Variants in DIAPH3 observed in about 807,000 individuals in gnomAD.
DIAPH3 encodes the protein diaphanous related formin 3.
Under a neutral mutation model 144.3 loss-of-function variants are expected in DIAPH3, and 117 were observed. The observed-to-expected ratio is 0.81, with a 90% confidence interval of 0.70 to 0.95. The LOEUF is 0.95. Among genes scored for constraint, DIAPH3 ranks in the 40% least tolerant of loss-of-function variants. The probability of loss-of-function intolerance (pLI) is 0.00; values close to 1 mark genes in which losing one functional copy is unlikely to be tolerated. For missense variants in DIAPH3, 1,421 were observed against 1,412.7 expected, an observed-to-expected ratio of 1.01 and a Z score of -0.09; for synonymous variants, 519 against 488.9, an observed-to-expected ratio of 1.06 and a Z score of -0.81.
intron 3 of DIAPH3, among the ~76,000 whole-genome samples, chr13:60,105,064 C>G (rs1488740255): frequency 7.5e-6 from 1 of 133,854 alleles, no homozygotes; most frequent in East Asian, 2.3e-4. Flanking sequence ...CCACTATACT[C>G]CATCCAGCCT....
At chr13:59,834,074 GTTC>G (rs979823340) in intron 23 of DIAPH3, among the ~76,000 whole-genome samples, 24 of 151,524 alleles carry the variant, frequency 1.6e-4, no homozygotes, top group African/African-American at 5.1e-4. Flanking sequence ...ATATAGAAAC[GTTC>G]TTCTCTCACT....
At chr13:60,073,644 G>A (rs2057287478) in intron 4 of DIAPH3, among the ~76,000 whole-genome samples, 1 of 152,152 alleles carries the variant, frequency 6.6e-6, no homozygotes, top group Admixed American at 6.5e-5. Flanking sequence ...ATGGCATCCA[G>A]CATTGTAACA....
intron 20 of DIAPH3, among the ~76,000 whole-genome samples, chr13:59,890,240 A>G (rs2045704323): frequency 6.6e-6 from 1 of 152,094 alleles, no homozygotes; most frequent in Non-Finnish European, 1.5e-5. Context: ...CCCTGTAGAT[A>G]CCAGCTGTTT....
intron 4 of DIAPH3, among the ~76,000 whole-genome samples, chr13:60,089,721 T>G (rs1012207782): frequency 1.3e-5 from 2 of 152,212 alleles, no homozygotes; most frequent in Non-Finnish European, 2.9e-5. Context: ...TCCAATAAAC[T>G]TGCTGTTAAA....
At chr13:59,712,859 A>C (rs1265354589) in intron 27 of DIAPH3, among the ~76,000 whole-genome samples, 1 of 152,206 alleles carries the variant, frequency 6.6e-6, no homozygotes, top group Non-Finnish European at 1.5e-5. Context: ...CATGGAAGAC[A>C]ATTTTTCCAC....
intron 20 of DIAPH3, among the ~76,000 whole-genome samples, chr13:59,884,781 CA>C (rs34055848): frequency 5.5e-4 from 75 of 136,492 alleles, no homozygotes; most frequent in East Asian, 6.5e-4. Context: ...AGAAAGGCTT[CA>C]AAAAAAAAAA....
chr13:60,110,293 G>T (rs769216982), intron 3 of DIAPH3, among the ~76,000 whole-genome samples: 6 of 152,206 alleles, frequency 3.9e-5, no homozygotes, highest in African/African-American at 7.2e-5. Context: ...TAAAGCCTCT[G>T]TAGGTACAAA....
chr13:59,882,239 C>T (rs908491841), intron 20 of DIAPH3, among the ~76,000 whole-genome samples: 12 of 152,098 alleles, frequency 7.9e-5, no homozygotes, highest in African/African-American at 2.7e-4. Flanking sequence ...CAGCCATGAG[C>T]CACCACGCCC....
intron 27 of DIAPH3, among the ~76,000 whole-genome samples, chr13:59,735,030 C>A (rs61956674): frequency 1.3e-5 from 2 of 151,990 alleles, no homozygotes; most frequent in Non-Finnish European, 2.9e-5. Context: ...ATCATATTTT[C>A]TTTCAGGTTA....
chr13:59,669,017 G>A (rs961339940), intron 27 of DIAPH3, among the ~76,000 whole-genome samples: 1 of 152,042 alleles, frequency 6.6e-6, no homozygotes, highest in African/African-American at 2.4e-5. Context: ...GGTGGTAGAC[G>A]CCAAATGCTG....
chr13:59,835,870 A>G (rs2042020612), intron 23 of DIAPH3, among the ~76,000 whole-genome samples: 1 of 151,882 alleles, frequency 6.6e-6, no homozygotes, highest in African/African-American at 2.4e-5. Flanking sequence ...AGTGTAGAAT[A>G]TAGATATAAG....
chr13:59,749,853 G>A (rs1334261181), intron 27 of DIAPH3, among the ~76,000 whole-genome samples: 1 of 152,162 alleles, frequency 6.6e-6, no homozygotes, highest in African/African-American at 2.4e-5. Context: ...AGGCACACAA[G>A]TGATGTATTA....
chr13:60,155,019 G>A (rs1189840381), intron 1 of DIAPH3, among the ~76,000 whole-genome samples: 1 of 152,060 alleles, frequency 6.6e-6, no homozygotes, highest in Non-Finnish European at 1.5e-5. Flanking sequence ...CAATTTATAA[G>A]GCAATAAATA....
At chr13:59,914,975 T>C (rs1298431157) in intron 19 of DIAPH3, among the ~76,000 whole-genome samples, 1 of 152,194 alleles carries the variant, frequency 6.6e-6, no homozygotes, top group Admixed American at 6.5e-5. Context: ...ACTTTGGACA[T>C]GAATTTTAAA....
intron 27 of DIAPH3, among the ~76,000 whole-genome samples, chr13:59,752,604 A>G (rs1029329645): frequency 2.0e-5 from 3 of 152,084 alleles, no homozygotes; most frequent in Non-Finnish European, 4.4e-5. Context: ...CCTGGGCTCA[A>G]GCATCCCCAT....
In DIAPH3 at chr13:59,861,482, C is replaced by T; in HGVS notation, c.2662G>A (p.Glu888Lys). ...QKTTLLHFLV[E>K]ICEEKYPDIL... The stretch of plus-strand genomic sequence containing the variant: ...TCAGGGTACTTCTCTTCACATATTT[C>T]TACCAGGAAATGAAGTAGCGTTGTT... Residue 888 changes from glutamate to lysine, a missense_variant, in exon 22 of 28, where the codon GAA becomes AAA. Physicochemically the swap from Glu to Lys is moderately conservative, Grantham distance 56. Transcript: ENST00000400324. The T allele has an allele frequency of 6.2e-7, 1 of 1,613,774 alleles. No individual in the cohort carries two copies. Among genetic ancestry groups the T allele is most frequent in the Non-Finnish European group, 8.5e-7 (1 of 1,179,882 alleles).
intron 5 of DIAPH3, among the ~76,000 whole-genome samples, chr13:60,024,877 G>A (rs2054273850): frequency 6.6e-6 from 1 of 152,172 alleles, no homozygotes; most frequent in Admixed American, 6.5e-5. Flanking sequence ...CTGATGGAGA[G>A]AAGGAGGACT....
intron 1 of DIAPH3, among the ~76,000 whole-genome samples, chr13:60,142,392 C>T (rs2059442886): frequency 6.6e-6 from 1 of 152,088 alleles, no homozygotes; most frequent in African/African-American, 2.4e-5. Flanking sequence ...TGGAAAAACT[C>T]AGTTAATTCT....
At chr13:60,046,213 A>G (rs574943142) in intron 4 of DIAPH3, among the ~76,000 whole-genome samples, 1 of 152,336 alleles carries the variant, frequency 6.6e-6, no homozygotes, top group African/African-American at 2.4e-5. Flanking sequence ...CCCTAAAGAG[A>G]TGAGTTCAGG....
Sources: gnomAD v4.1 joint callset for allele counts (sites outside exome capture counted in the v4.1 genomes callset) on GRCh38, gnomAD v4.1.1 for gene constraint, MANE v1.5 for transcripts, NCBI Gene and HGNC (gene_info 2026-07-23, HGNC 2026-07-21) for gene names.